Variants in DPYD observed in about 807,000 individuals in gnomAD.
DPYD encodes the protein dihydropyrimidine dehydrogenase [NADP(+)].
DPYD carries 109 observed loss-of-function variants against 116.2 expected under a neutral mutation model. The ratio of observed to expected loss-of-function variants is 0.94; its 90% CI spans 0.80 to 1.10. The LOEUF (loss-of-function observed/expected upper bound fraction) is 1.10. Ranked by LOEUF, DPYD falls within the 50% of genes least tolerant of loss-of-function variation. The pLI, the probability that DPYD is intolerant of heterozygous loss-of-function variation, is 0.00. For synonymous variants in DPYD, 440 were observed against 432.0 expected (o/e 1.02, Z -0.23); for missense variants, 1,302 against 1,254.5 (o/e 1.04, Z -0.57).
chr1:97,556,680 T>C (rs893053412), intron 11 of DPYD, among the ~76,000 whole-genome samples: 12 of 150,946 alleles, frequency 7.9e-5, no homozygotes, highest in African/African-American at 2.9e-4. Flanking sequence ...ACAAAAGACA[T>C]GAACTCATCA....
At chr1:97,262,670 G>A (rs979704558) in intron 18 of DPYD, among the ~76,000 whole-genome samples, 5 of 152,108 alleles carry the variant, frequency 3.3e-5, no homozygotes, top group African/African-American at 1.2e-4. Context: ...TCTTTTACCA[G>A]AAGCTATATA....
intron 18 of DPYD, among the ~76,000 whole-genome samples, chr1:97,291,832 T>C (rs890656253): frequency 1.3e-5 from 2 of 152,118 alleles, no homozygotes; most frequent in Middle Eastern, 3.4e-3. Context: ...AAACTTAAAG[T>C]ATAATAAAAT....
At chr1:97,511,397 C>A (rs1428088677) in intron 13 of DPYD, among the ~76,000 whole-genome samples, 1 of 151,892 alleles carries the variant, frequency 6.6e-6, no homozygotes, top group Non-Finnish European at 1.5e-5. Context: ...GATTTAGAAG[C>A]AGCTTTGGAT....
At chr1:97,292,969 G>C (rs998595131) in intron 18 of DPYD, among the ~76,000 whole-genome samples, 2 of 151,964 alleles carry the variant, frequency 1.3e-5, no homozygotes, top group African/African-American at 4.8e-5. Context: ...CCAAATGTTT[G>C]GAACTATTGA....
At chr1:97,798,476 TGTG>T (rs1667690076) in intron 3 of DPYD, among the ~76,000 whole-genome samples, 1 of 151,982 alleles carries the variant, frequency 6.6e-6, no homozygotes, top group Non-Finnish European at 1.5e-5. Context: ...ACCTCAATCC[TGTG>T]AGGCAGGTAC....
chr1:97,572,922 G>T (rs560638480), intron 11 of DPYD, among the ~76,000 whole-genome samples: 1 of 152,144 alleles, frequency 6.6e-6, no homozygotes, highest in East Asian at 1.9e-4. Context: ...GATATAGTAG[G>T]AAGTCATAGG....
At chr1:97,112,209 A>G (rs1651649033) in intron 20 of DPYD, among the ~76,000 whole-genome samples, 1 of 152,100 alleles carries the variant, frequency 6.6e-6, no homozygotes, top group South Asian at 2.1e-4. Context: ...TAATATTACG[A>G]TATAGTAAAC....
intron 12 of DPYD, among the ~76,000 whole-genome samples, chr1:97,531,338 T>C (rs1649612085): frequency 6.6e-6 from 1 of 152,218 alleles, no homozygotes; most frequent in Non-Finnish European, 1.5e-5. Flanking sequence ...TGCATGTACA[T>C]AGCCACTTTT....
chr1:97,307,593 T>A (rs911007053), intron 16 of DPYD, among the ~76,000 whole-genome samples: 6 of 151,918 alleles, frequency 3.9e-5, no homozygotes, highest in African/African-American at 1.4e-4. Context: ...CTTAATACTT[T>A]TAAAAAGAAG....
At chr1:97,306,355 G>A in intron 16 of DPYD, 58 bp from the exon 17 acceptor site, 2 of 1,605,828 alleles carry the variant, frequency 1.2e-6, no homozygotes, top group South Asian at 1.1e-5. Flanking sequence ...ATCAAAATGT[G>A]TACTGGAACA....
At chr1:97,354,705 G>A (rs76416031) in intron 16 of DPYD, among the ~76,000 whole-genome samples, 1,974 of 152,192 alleles carry the variant, frequency 0.013, 23 homozygotes, top group South Asian at 0.023. Context: ...ACTTTCCTGG[G>A]TCATACTCAA....
At chr1:97,120,701 T>C (rs1402624710) in intron 20 of DPYD, among the ~76,000 whole-genome samples, 1 of 152,216 alleles carries the variant, frequency 6.6e-6, no homozygotes, top group Non-Finnish European at 1.5e-5. Flanking sequence ...TTTAGTAGTA[T>C]GGCTGTAAAA....
chr1:97,557,348 C>T (rs1250519637), intron 11 of DPYD, among the ~76,000 whole-genome samples: 1 of 144,034 alleles, frequency 6.9e-6, no homozygotes, highest in Non-Finnish European at 1.5e-5. Context: ...CACTCTGCCG[C>T]CCAGTCTGGA....
intron 19 of DPYD, among the ~76,000 whole-genome samples, chr1:97,199,246 A>G (rs1446652947): frequency 3.3e-5 from 5 of 152,132 alleles, no homozygotes; most frequent in Non-Finnish European, 5.9e-5. Context: ...TGTAAAATGG[A>G]AAGAGCTTGG....
chr1:97,469,971 A>G (rs1416995509), intron 13 of DPYD, among the ~76,000 whole-genome samples: 1 of 152,198 alleles, frequency 6.6e-6, no homozygotes, highest in Non-Finnish European at 1.5e-5. Flanking sequence ...GTTCTTGCAA[A>G]TAACAAATGG....
chr1:97,351,861 G>A (rs549446375), intron 16 of DPYD, among the ~76,000 whole-genome samples: 1 of 152,030 alleles, frequency 6.6e-6, no homozygotes, highest in South Asian at 2.1e-4. Context: ...ACTCAATACC[G>A]TAAAAGAAGA....
intron 20 of DPYD, among the ~76,000 whole-genome samples, chr1:97,140,687 C>G (rs1379716752): frequency 6.6e-6 from 1 of 152,098 alleles, no homozygotes; most frequent in Non-Finnish European, 1.5e-5. Context: ...CCGGCCTTTT[C>G]TCTACTGATG....
chr1:97,329,138 G>A lies in DPYD; in HGVS notation c.2059-22841C>T, dbSNP rs1267783703. Among the ~76,000 whole-genome samples, 3 of 152,098 alleles carry A rather than the reference G, an allele frequency of 2.0e-5. No individual in the cohort carries two copies. In the South Asian group the frequency reaches 6.2e-4, roughly 32 times the overall value. ...AACAAGAAGGAAAAGAAGAATAATA[G>A]TAAATCTGAATTTTGTTAAGATTTC... On this transcript the variant is annotated intron_variant, in intron 16 of 22. Coordinates refer to ENST00000370192, the MANE Select transcript of DPYD (RefSeq NM_000110.4).
intron 16 of DPYD, among the ~76,000 whole-genome samples, chr1:97,346,540 C>T (rs1669853651): frequency 6.6e-6 from 1 of 151,450 alleles, no homozygotes; most frequent in Non-Finnish European, 1.5e-5. Flanking sequence ...TATTTTCTGC[C>T]TTGTTTAAAG....
Sources: gnomAD v4.1 joint callset for allele counts (sites outside exome capture counted in the v4.1 genomes callset) on GRCh38, gnomAD v4.1.1 for gene constraint, MANE v1.5 for transcripts, NCBI Gene and HGNC (gene_info 2026-07-23, HGNC 2026-07-21) for gene names.